TXNRD1: variants seen among roughly 807,000 people sequenced by gnomAD.
TXNRD1 encodes the protein thioredoxin reductase 1, cytoplasmic.
TXNRD1 carries 57 observed loss-of-function variants against 80.3 expected under a neutral mutation model. The observed-to-expected ratio is 0.71, with a 90% CI of 0.57 to 0.89. TXNRD1 has a LOEUF of 0.89. Among genes scored for constraint, TXNRD1 ranks in the 40% least tolerant of loss-of-function variants. The probability of loss-of-function intolerance (pLI) is 0.00; values close to 1 mark genes in which losing one functional copy is unlikely to be tolerated. For missense variants in TXNRD1, 730 were observed against 803.0 expected, an observed-to-expected ratio of 0.91 and a Z score of 1.10; for synonymous variants, 291 against 285.2, an observed-to-expected ratio of 1.02 and a Z score of -0.20.
intron 3 of TXNRD1, among the ~76,000 whole-genome samples, chr12:104,272,843 T>A (rs1418533971): frequency 2.0e-5 from 3 of 150,396 alleles, no homozygotes. Flanking sequence ...TTGAACATAC[T>A]GACATATTGA....
chr12:104,244,349 C>T (rs183453405), intron 1 of TXNRD1, among the ~76,000 whole-genome samples: 26 of 152,296 alleles, frequency 1.7e-4, no homozygotes, highest in African/African-American at 4.8e-4. Context: ...GTTCAAATAT[C>T]TTGCTTTATA....
intron 16 of TXNRD1, among the ~76,000 whole-genome samples, chr12:104,341,513 C>T (rs554153442): frequency 2.0e-3 from 311 of 152,258 alleles, no homozygotes; most frequent in African/African-American, 7.2e-3. Context: ...GTGCTGGAGG[C>T]ACTGGGGTGC....
chr12:104,348,278 G>A lies in TXNRD1; in HGVS notation c.1882-75G>A, dbSNP rs1401353057. The stretch of plus-strand genomic sequence containing the variant: ...GCCTAAGATGGTTTTAATGCATATG[G>A]CATTATCTGAACTGTTCCCTGTTAC... On this transcript the variant is annotated intron_variant, in intron 16 of 16. Transcript: ENST00000525566. The A allele has an allele frequency of 2.9e-6, 4 of 1,372,830 alleles. No homozygotes were observed. The African/African-American group carries it at 5.7e-5, about 20-fold the overall frequency. The allele number at this position is 1,372,830 out of a possible 1,614,324, so 85.0% of individuals were successfully genotyped here. A position where few individuals can be genotyped will look rare whatever the true frequency, so the allele number is the denominator to read the frequency against.
chr12:104,323,358 C>T (rs2035611291), intron 10 of TXNRD1, among the ~76,000 whole-genome samples: 1 of 151,546 alleles, frequency 6.6e-6, no homozygotes, highest in South Asian at 2.1e-4. Flanking sequence ...CAGAGGGGCT[C>T]CTCACTTCCC....
At chr12:104,265,474 A>C (rs553994520) in intron 3 of TXNRD1, 1 of 1,608,530 alleles carries the variant, frequency 6.2e-7, no homozygotes, top group Admixed American at 1.7e-5. Context: ...GAAGATGAAG[A>C]AGTCTTCAGG....
At chr12:104,269,399 C>CTTTTTTT (rs71069741) in intron 3 of TXNRD1, among the ~76,000 whole-genome samples, 1 of 120,450 alleles carries the variant, frequency 8.3e-6, no homozygotes, top group African/African-American at 3.1e-5. Context: ...GTGTTTCTTT[C>CTTTTTTT]TTTTTTTTTT....
At chr12:104,271,342 A>AT (rs1339687552) in intron 3 of TXNRD1, among the ~76,000 whole-genome samples, 3 of 151,392 alleles carry the variant, frequency 2.0e-5, no homozygotes, top group African/African-American at 4.9e-5. Context: ...CCCGCCACTA[A>AT]TTTTTTGTGT....
At chr12:104,266,082 T>C (rs999871173) in intron 3 of TXNRD1, among the ~76,000 whole-genome samples, 1 of 152,222 alleles carries the variant, frequency 6.6e-6, no homozygotes, top group Admixed American at 6.5e-5. Flanking sequence ...CACAATATTT[T>C]TTCCTGTATG....
chr12:104,259,735 G>A (rs1354539266), intron 3 of TXNRD1, among the ~76,000 whole-genome samples: 5 of 151,694 alleles, frequency 3.3e-5, no homozygotes, highest in African/African-American at 7.3e-5. Flanking sequence ...TGAGCCGCCC[G>A]CCTCAGCCTC....
intron 1 of TXNRD1, among the ~76,000 whole-genome samples, chr12:104,218,233 C>T (rs1459888592): frequency 1.3e-5 from 2 of 151,936 alleles, no homozygotes; most frequent in Non-Finnish European, 2.9e-5. Context: ...ACCATGTTGG[C>T]CAGGCTGGTC....
intron 1 of TXNRD1, among the ~76,000 whole-genome samples, chr12:104,240,064 T>C (rs12308914): frequency 0.077 from 11,688 of 152,274 alleles, 593 homozygotes; most frequent in Middle Eastern, 0.17. Flanking sequence ...GTACTGTCTC[T>C]GTCTAGTTTG....
chr12:104,260,495 AAAC>A (rs1208569425), intron 3 of TXNRD1, among the ~76,000 whole-genome samples: 3 of 152,152 alleles, frequency 2.0e-5, no homozygotes, highest in Non-Finnish European at 2.9e-5. Context: ...AAAACACAAA[AAAC>A]AACAACAACA....
At chr12:104,309,592 A>G (rs2035052930) in intron 4 of TXNRD1, among the ~76,000 whole-genome samples, 1 of 152,188 alleles carries the variant, frequency 6.6e-6, no homozygotes, top group African/African-American at 2.4e-5. Context: ...ATAAAAAATG[A>G]TTGTATGTTA....
chr12:104,241,410 T>C (rs1294288609), intron 1 of TXNRD1, among the ~76,000 whole-genome samples: 3 of 151,420 alleles, frequency 2.0e-5, no homozygotes, highest in Admixed American at 6.6e-5. Flanking sequence ...TTGCTGTTGT[T>C]GCCCAGGCTG....
intron 4 of TXNRD1, among the ~76,000 whole-genome samples, chr12:104,301,776 GTAA>G (rs2034634392): frequency 1.3e-5 from 2 of 152,228 alleles, no homozygotes; most frequent in African/African-American, 2.4e-5. Flanking sequence ...ATACTAGTTT[GTAA>G]TTGGCCAGAC....
intron 3 of TXNRD1, among the ~76,000 whole-genome samples, chr12:104,271,384 A>G (rs1481760239): frequency 6.6e-6 from 1 of 151,928 alleles, no homozygotes; most frequent in Non-Finnish European, 1.5e-5. Flanking sequence ...TCACCGTGTT[A>G]GCCAGGATGG....
chr12:104,302,452 C>T (rs1294942103), intron 4 of TXNRD1, among the ~76,000 whole-genome samples: 1 of 134,480 alleles, frequency 7.4e-6, no homozygotes, highest in African/African-American at 2.8e-5. Flanking sequence ...TGTTTGTGTG[C>T]ATGTTCTCTT....
chr12:104,254,644 A>AAAAAAAAAAAAAAAAAT, intron 2 of TXNRD1, among the ~76,000 whole-genome samples: 4 of 93,650 alleles, frequency 4.3e-5, no homozygotes, highest in Non-Finnish European at 5.7e-5. Flanking sequence ...AAAAAAAAAA[A>AAAAAAAAAAAAAAAAAT]ATATATATAT....
At chr12:104,290,714 A>AATATACAT (rs1481435499) in intron 4 of TXNRD1, among the ~76,000 whole-genome samples, 8 of 49,154 alleles carry the variant, frequency 1.6e-4, no homozygotes, top group Non-Finnish European at 2.7e-4. Flanking sequence ...AAAAAAAAGA[A>AATATACAT]ATATACATAT....
Sources: allele counts gnomAD v4.1 joint callset (sites outside exome capture counted in the v4.1 genomes callset), GRCh38; gene constraint gnomAD v4.1.1; transcripts MANE v1.5; gene names NCBI Gene and HGNC (gene_info 2026-07-23, HGNC 2026-07-21).